The following NCK1 variants were observed in gnomAD, a reference collection of about 807,000 sequenced individuals.
NCK1 encodes SH2/SH3 adapter protein NCK1.
In NCK1, 19 loss-of-function variants were observed where a neutral mutation model predicts 36.6. That is an observed-to-expected ratio of 0.52 (90% CI 0.36 to 0.76). NCK1 has a LOEUF of 0.76. Ranked by LOEUF, NCK1 falls within the 30% of genes least tolerant of loss-of-function variation. The pLI, the probability that NCK1 is intolerant of heterozygous loss-of-function variation, is 0.00. For synonymous variants in NCK1, 165 were observed against 156.0 expected (o/e 1.06, Z -0.43); for missense variants, 358 against 445.6 (o/e 0.80, Z 1.77).
chr3:136,898,420 A>G (rs892036611), intron 1 of NCK1, among the ~76,000 whole-genome samples: 1 of 150,992 alleles, frequency 6.6e-6, no homozygotes, highest in Admixed American at 6.6e-5. Context: ...ATGCAGTGGT[A>G]TCAAGAAAAA....
intron 3 of NCK1, chr3:136,947,149 TC>T (rs1940850997): frequency 6.6e-6 from 1 of 152,152 alleles, no homozygotes; most frequent in African/African-American, 2.4e-5. Flanking sequence ...TAATTGAACT[TC>T]CTGATGTGAA....
At chr3:136,924,792 G>A (rs547422978) in intron 1 of NCK1, among the ~76,000 whole-genome samples, 45 of 152,268 alleles carry the variant, frequency 3.0e-4, no homozygotes, top group African/African-American at 1.0e-3. Context: ...TTATTGGAAC[G>A]CTAAGCTTGT....
chr3:136,884,330 C>T (rs752392931), intron 1 of NCK1, among the ~76,000 whole-genome samples: 1 of 152,300 alleles, frequency 6.6e-6, no homozygotes, highest in Admixed American at 6.5e-5. Flanking sequence ...TTTGAAAGTT[C>T]TGAAATGTTA....
At chr3:136,921,388 G>A (rs904397819) in intron 1 of NCK1, among the ~76,000 whole-genome samples, 21 of 152,134 alleles carry the variant, frequency 1.4e-4, no homozygotes, top group East Asian at 5.8e-4. Flanking sequence ...TCTAGGAAGC[G>A]GAGGAACTGT....
chr3:136,923,570 A>G (rs1940168772), intron 1 of NCK1, among the ~76,000 whole-genome samples: 1 of 151,518 alleles, frequency 6.6e-6, no homozygotes, highest in Non-Finnish European at 1.5e-5. Context: ...AAATAAATAA[A>G]TAAATAAATA....
intron 1 of NCK1, among the ~76,000 whole-genome samples, chr3:136,889,684 A>T (rs941950980): frequency 3.3e-5 from 5 of 152,080 alleles, no homozygotes; most frequent in Non-Finnish European, 7.4e-5. Flanking sequence ...CTAGGCCCAA[A>T]GTTCTCCACC....
chr3:136,903,123 G>T (rs1191511441), intron 1 of NCK1, among the ~76,000 whole-genome samples: 2 of 152,102 alleles, frequency 1.3e-5, no homozygotes, highest in Admixed American at 1.3e-4. Context: ...ATATATCTGG[G>T]TGCTACAGTG....
At chr3:136,927,038 C>A (rs1383589515) in intron 1 of NCK1, among the ~76,000 whole-genome samples, 2 of 152,070 alleles carry the variant, frequency 1.3e-5, no homozygotes, top group Admixed American at 6.5e-5. Context: ...GTGGCACGAT[C>A]TTGGCTAACT....
chr3:136,868,471 G>A (rs1339815985), intron 1 of NCK1, among the ~76,000 whole-genome samples: 3 of 151,656 alleles, frequency 2.0e-5, no homozygotes, highest in East Asian at 2.0e-4. Context: ...GGAATTACAG[G>A]TGCCTGCCAC....
intron 1 of NCK1, among the ~76,000 whole-genome samples, chr3:136,886,104 T>C (rs917641505): frequency 1.6e-4 from 24 of 152,218 alleles, no homozygotes; most frequent in African/African-American, 5.5e-4. Context: ...TAAATTTTCA[T>C]TTAACATTAA....
At chr3:136,879,578 C>T (rs1049497581) in intron 1 of NCK1, among the ~76,000 whole-genome samples, 1 of 152,048 alleles carries the variant, frequency 6.6e-6, no homozygotes, top group African/African-American at 2.4e-5. Context: ...CTTATGTGCA[C>T]TATTCACAAT....
intron 1 of NCK1, among the ~76,000 whole-genome samples, chr3:136,892,285 C>T (rs1480013934): frequency 2.0e-5 from 3 of 152,074 alleles, no homozygotes; most frequent in Non-Finnish European, 2.9e-5. Context: ...CCAAATATTC[C>T]TTTCTGTGGG....
At chr3:136,890,935 C>G (rs1205978610) in intron 1 of NCK1, among the ~76,000 whole-genome samples, 1 of 152,212 alleles carries the variant, frequency 6.6e-6, no homozygotes, top group Non-Finnish European at 1.5e-5. Flanking sequence ...CTTTCTATCT[C>G]TATGAATTTG....
At chr3:136,868,561 C>T (rs1256211962) in intron 1 of NCK1, among the ~76,000 whole-genome samples, 1 of 152,182 alleles carries the variant, frequency 6.6e-6, no homozygotes, top group Non-Finnish European at 1.5e-5. Flanking sequence ...CTCCTAACTT[C>T]AGTTAATCAG....
At chr3:136,903,728 A>G (rs1403260715) in intron 1 of NCK1, among the ~76,000 whole-genome samples, 2 of 151,942 alleles carry the variant, frequency 1.3e-5, no homozygotes, top group African/African-American at 2.4e-5. Context: ...CGCCTGGCCA[A>G]ATTAGTCTGT....
At chr3:136,925,425 A>G (rs1940212665) in intron 1 of NCK1, among the ~76,000 whole-genome samples, 3 of 152,248 alleles carry the variant, frequency 2.0e-5, no homozygotes, top group Non-Finnish European at 2.9e-5. Context: ...GCTTTCCTCC[A>G]GTGGCAATAC....
At chr3:136,877,992 G>A (rs1439582642) in intron 1 of NCK1, among the ~76,000 whole-genome samples, 1 of 152,164 alleles carries the variant, frequency 6.6e-6, no homozygotes, top group African/African-American at 2.4e-5. Context: ...CAGTAAAAAG[G>A]AATATAGAAC....
intron 1 of NCK1, among the ~76,000 whole-genome samples, chr3:136,916,976 C>T (rs1298314535): frequency 2.0e-5 from 3 of 152,094 alleles, no homozygotes; most frequent in African/African-American, 7.2e-5. Context: ...CTTATAGGGG[C>T]AGCCAAACAG....
In NCK1 at chr3:136,867,124, C is replaced by CT. The variant is rs1560028552; in HGVS notation, c.-19+4774dup. On this transcript the variant is annotated intron_variant, in intron 1 of 3. Coordinates refer to ENST00000481752, the MANE Select transcript of NCK1 (RefSeq NM_001291999.2). ...TCTTTCTTTCTTTCTTTCTTTGTTT[C>CT]TTTCTTTCCTTCCTTCCTTCCTTCC... 7.2e-5 allele frequency among the ~76,000 whole-genome samples: 3 copies of CT among 41,852 alleles called. 1 individual carries two copies. The highest frequency in any genetic ancestry group is 2.6e-4 in the African/African-American group (3 of 11,712). 27.5% of individuals were successfully genotyped at this position (41,852 alleles called of 152,430 possible).
Sources: allele counts gnomAD v4.1 joint callset (sites outside exome capture counted in the v4.1 genomes callset), GRCh38; gene constraint gnomAD v4.1.1; transcripts MANE v1.5; gene names NCBI Gene and HGNC (gene_info 2026-07-23, HGNC 2026-07-21).